Variants in DNMBP observed in about 807,000 individuals in gnomAD.
DNMBP encodes dynamin-binding protein.
A neutral mutation model predicts 150.0 loss-of-function variants in DNMBP; 87 were observed. The observed-to-expected ratio is 0.58, with a 90% CI of 0.49 to 0.69. The LOEUF (loss-of-function observed/expected upper bound fraction) is 0.69, where lower values mean the gene tolerates loss of function less well. DNMBP is among the 30% of genes least tolerant of loss of function. The pLI is 0.00. For missense variants in DNMBP, 1,774 were observed against 1,949.0 expected (o/e 0.91, Z 1.69); for synonymous variants, 711 against 750.4 (o/e 0.95, Z 0.86).
chr10:99,920,544 A>G (rs532299445), intron 4 of DNMBP, among the ~76,000 whole-genome samples: 32 of 152,208 alleles, frequency 2.1e-4, no homozygotes, highest in African/African-American at 7.7e-4. Context: ...CACTCAGACA[A>G]TAATTCAGAA....
chr10:99,964,332 C>T (rs2040595733), intron 3 of DNMBP, among the ~76,000 whole-genome samples: 1 of 151,420 alleles, frequency 6.6e-6, no homozygotes, highest in Admixed American at 6.6e-5. Context: ...CCATCTTGGC[C>T]AGGTTGATCT....
intron 1 of DNMBP, among the ~76,000 whole-genome samples, chr10:99,993,716 C>T (rs897618027): frequency 3.9e-5 from 6 of 152,038 alleles, no homozygotes; most frequent in Non-Finnish European, 7.4e-5. Context: ...GTGGAAGGAT[C>T]GCTTAAGCCT....
chr10:99,929,566 T>C (rs898705037), intron 4 of DNMBP: 2 of 614,002 alleles, frequency 3.3e-6, no homozygotes, highest in Non-Finnish European at 5.8e-6. Context: ...CCTTTAAATC[T>C]ATCTTTATGC....
intron 3 of DNMBP, among the ~76,000 whole-genome samples, chr10:99,958,661 C>G (rs1466878990): frequency 6.6e-6 from 1 of 152,174 alleles, no homozygotes; most frequent in African/African-American, 2.4e-5. Flanking sequence ...CTTAAAGATT[C>G]TTCTGATGAG....
chr10:99,964,797 C>T (rs1358281651), intron 3 of DNMBP, among the ~76,000 whole-genome samples: 1 of 150,974 alleles, frequency 6.6e-6, no homozygotes, highest in Admixed American at 6.6e-5. Context: ...CTTGAACCAA[C>T]GAGGCGGAAG....
At chr10:99,987,766 C>T (rs1004330777) in intron 1 of DNMBP, among the ~76,000 whole-genome samples, 12 of 150,718 alleles carry the variant, frequency 8.0e-5, no homozygotes, top group Non-Finnish European at 1.3e-4. Context: ...GAGAAAGAAA[C>T]AGGTGGGAGA....
intron 6 of DNMBP, among the ~76,000 whole-genome samples, chr10:99,902,507 A>G (rs1263600244): frequency 6.9e-6 from 1 of 145,586 alleles, no homozygotes; most frequent in Non-Finnish European, 1.5e-5. Context: ...ACAGGGTTAC[A>G]CCATGTTGGC....
At chr10:99,985,475 G>A (rs541112869) in intron 1 of DNMBP, among the ~76,000 whole-genome samples, 1 of 152,078 alleles carries the variant, frequency 6.6e-6, no homozygotes, top group Non-Finnish European at 1.5e-5. Context: ...CCACCCAGGG[G>A]AGAGTACCTA....
Position 99,955,367 on chromosome 10 carries a change from G to A in DNMBP, c.2107C>T (p.Arg703Trp), listed in dbSNP as rs143162557. 486 of 1,614,146 alleles carry A rather than the reference G, an allele frequency of 3.0e-4. 1 individual carries two copies. The highest frequency in any genetic ancestry group is 3.7e-4 in the Non-Finnish European group (439 of 1,180,026). The part of the protein sequence containing the change: ...LVLVRIEEME[R>W]DLDMYSRAQE... ...GCTCTACTGTACATATCCAAGTCCC[G>A]CTCCATTTCCTCAATCCTCACCAGC... Residue 703 changes from arginine (R) to tryptophan (W), a missense_variant, in exon 4 of 17, where the codon CGG becomes TGG. This residue lies in a region of DNMBP where 1,430 missense variants were observed against 1,492.5 expected (regional missense o/e 0.96). Transcript: ENST00000324109.
chr10:99,981,087 G>C (rs989724946), intron 1 of DNMBP, among the ~76,000 whole-genome samples: 1 of 152,048 alleles, frequency 6.6e-6, no homozygotes, highest in Non-Finnish European at 1.5e-5. Flanking sequence ...GGTTAAAATG[G>C]TAAATTTTAT....
At chr10:100,002,899 C>A (rs374679532) in intron 1 of DNMBP, among the ~76,000 whole-genome samples, 4 of 152,026 alleles carry the variant, frequency 2.6e-5, no homozygotes, top group African/African-American at 9.7e-5. Context: ...ACATACAAAA[C>A]CTAAAACAAA....
intron 1 of DNMBP, among the ~76,000 whole-genome samples, chr10:99,995,987 T>C (rs1309148659): frequency 6.6e-6 from 1 of 152,228 alleles, no homozygotes; most frequent in Non-Finnish European, 1.5e-5. Flanking sequence ...AAATACATTA[T>C]CTCCTGTATG....
At chr10:99,928,844 A>T (rs1227609557) in intron 4 of DNMBP, among the ~76,000 whole-genome samples, 1 of 152,100 alleles carries the variant, frequency 6.6e-6, no homozygotes. Context: ...GCGGTAAAAA[A>T]AAAAAATTAA....
intron 4 of DNMBP, among the ~76,000 whole-genome samples, chr10:99,941,649 G>A (rs2040302452): frequency 6.6e-6 from 1 of 151,924 alleles, no homozygotes; most frequent in African/African-American, 2.4e-5. Context: ...TGTATTTTTA[G>A]TAGAGACGGG....
Position 99,906,759 on chromosome 10 carries a change from C to T in DNMBP, c.2554+1236G>A, listed in dbSNP as rs1188164227. Among the ~76,000 whole-genome samples the T allele has an allele frequency of 2.0e-5, 3 of 152,316 alleles. No individual in the cohort carries two copies. The East Asian group carries it at 5.8e-4, about 29-fold the overall frequency. ...AGATGATGGCAGTCCAGGCCAACAA[C>T]TGACTCCAACCTCATGAGACCCTGG... is the stretch of plus-strand genomic sequence containing the variant. On this transcript the variant is annotated intron_variant, in intron 6 of 16. Coordinates refer to ENST00000324109, the MANE Select transcript of DNMBP (RefSeq NM_015221.4).
intron 1 of DNMBP, among the ~76,000 whole-genome samples, chr10:99,981,667 G>A (rs2040781265): frequency 6.6e-6 from 1 of 152,148 alleles, no homozygotes; most frequent in African/African-American, 2.4e-5. Context: ...CCGAAAATCT[G>A]CCCTTTCAGG....
chr10:99,885,004 G>A (rs1408885719), intron 14 of DNMBP, among the ~76,000 whole-genome samples: 1 of 152,196 alleles, frequency 6.6e-6, no homozygotes, highest in African/African-American at 2.4e-5. Flanking sequence ...CAGTCCTCTA[G>A]CTGGTGTGCC....
At chr10:99,931,265 C>T (rs958292758) in intron 4 of DNMBP, among the ~76,000 whole-genome samples, 1 of 152,178 alleles carries the variant, frequency 6.6e-6, no homozygotes, top group African/African-American at 2.4e-5. Flanking sequence ...ACCTCCATTC[C>T]CCATCCTCCA....
chr10:99,918,707 C>T (rs1012516082), intron 4 of DNMBP, among the ~76,000 whole-genome samples: 6 of 151,848 alleles, frequency 4.0e-5, no homozygotes, highest in Non-Finnish European at 5.9e-5. Context: ...GCTGGGATTA[C>T]AGGCACCTGC....
Sources: allele counts gnomAD v4.1 joint callset (sites outside exome capture counted in the v4.1 genomes callset), GRCh38; gene constraint gnomAD v4.1.1; regional missense constraint gnomAD v4.1.1; transcripts MANE v1.5; gene names NCBI Gene and HGNC (gene_info 2026-07-23, HGNC 2026-07-21).